Variants in ERBIN observed in about 807,000 individuals in gnomAD.
ERBIN encodes the protein densin-180-like protein.
In ERBIN, 60 loss-of-function variants were observed where a neutral mutation model predicts 158.4. The ratio of observed to expected loss-of-function variants is 0.38; its 90% CI spans 0.31 to 0.47. ERBIN has a LOEUF of 0.47. Among genes scored for constraint, ERBIN ranks in the 20% least tolerant of loss-of-function variants. The probability of loss-of-function intolerance (pLI) is 0.99; values close to 1 mark genes in which losing one functional copy is unlikely to be tolerated. For synonymous variants in ERBIN, 594 were observed against 557.2 expected, an observed-to-expected ratio of 1.07 and a Z score of -0.93; for missense variants, 1,610 against 1,648.0, an observed-to-expected ratio of 0.98 and a Z score of 0.40.
At chr5:66,017,599 G>A (rs1754925165) in intron 7 of ERBIN, among the ~76,000 whole-genome samples, 1 of 147,886 alleles carries the variant, frequency 6.8e-6, no homozygotes, top group Non-Finnish European at 1.5e-5. Flanking sequence ...TGGATACTTT[G>A]CAAATATTTC....
rs143647057 is a variant in ERBIN, at chr5:65,936,130, C to T, written c.-58+9324C>T. Among the ~76,000 whole-genome samples, 9 of 149,676 alleles carry T rather than the reference C, an allele frequency of 6.0e-5. No individual in the cohort carries two copies. In the East Asian group the frequency reaches 1.8e-3, roughly 29 times the overall value. ...TTCACACCTTAGGTCACTCTAGACT[C>T]TTTGTGGGAGCATGGAGGGAGGTCT... On this transcript the variant is annotated intron_variant, in intron 1 of 25. Transcript: ENST00000284037.
chr5:66,024,334 A>G lies in ERBIN; in HGVS notation c.701A>G (p.Tyr234Cys), dbSNP rs773163944. 1 of 1,566,954 alleles carries G rather than the reference A, an allele frequency of 6.4e-7. No individual in the cohort carries two copies. Among genetic ancestry groups the G allele is most frequent in the South Asian group, 1.1e-5 (1 of 87,152 alleles). ...ATTGGTAGTTTGAAACAGCTCACAT[A>G]TTTGGATGTTTCTAAAAATAATATT... Reference protein sequence around the residue: ...GFIGSLKQLTYLDVSKNNIEM... With the variant: ...GFIGSLKQLTCLDVSKNNIEM... The change falls in exon 10 of 26, where the codon TAT (tyrosine) becomes TGT (cysteine). Residue 234 changes from tyrosine to cysteine, a missense_variant. Around this residue, in one of 2 missense-constraint regions of ERBIN, gnomAD observed 596 missense variants for 711.9 expected, o/e 0.84. Coordinates refer to ENST00000284037, the MANE Select transcript of ERBIN (RefSeq NM_001253697.2).
At chr5:65,958,223 C>T (rs1329829152) in intron 1 of ERBIN, among the ~76,000 whole-genome samples, 1 of 152,064 alleles carries the variant, frequency 6.6e-6, no homozygotes, top group African/African-American at 2.4e-5. Flanking sequence ...GGGGTGGCGG[C>T]CGGGCAGAGG....
intron 1 of ERBIN, among the ~76,000 whole-genome samples, chr5:65,972,070 G>A (rs1157332377): frequency 6.6e-6 from 1 of 152,100 alleles, no homozygotes; most frequent in South Asian, 2.1e-4. Flanking sequence ...CCTTTTCTCA[G>A]AGAAAGGAGG....
intron 1 of ERBIN, among the ~76,000 whole-genome samples, chr5:65,952,746 T>A (rs935353424): frequency 6.6e-6 from 1 of 152,220 alleles, no homozygotes; most frequent in African/African-American, 2.4e-5. Context: ...TTGAAACTCA[T>A]AGAACTTGTG....
intron 1 of ERBIN, among the ~76,000 whole-genome samples, chr5:65,937,219 A>G (rs998654856): frequency 3.9e-5 from 6 of 152,182 alleles, no homozygotes; most frequent in Admixed American, 6.5e-5. Context: ...AATGTAATCA[A>G]ATTTGTCAGT....
chr5:66,073,109 TG>T (rs1761676001), intron 22 of ERBIN, among the ~76,000 whole-genome samples: 1 of 152,218 alleles, frequency 6.6e-6, no homozygotes, highest in African/African-American at 2.4e-5. Context: ...TCTAATTTCC[TG>T]AGCCATCTGC....
chr5:66,048,034 C>T (rs1445061628), intron 18 of ERBIN, among the ~76,000 whole-genome samples: 1 of 151,682 alleles, frequency 6.6e-6, no homozygotes, highest in Non-Finnish European at 1.5e-5. Context: ...GGCATTTCAC[C>T]TGTGTTTTGG....
intron 1 of ERBIN, among the ~76,000 whole-genome samples, chr5:65,965,058 C>T (rs944008784): frequency 6.6e-6 from 1 of 150,562 alleles, no homozygotes; most frequent in African/African-American, 2.4e-5. Flanking sequence ...CCCAAAGTAC[C>T]GGGATTACAG....
At position 65,957,066 on chromosome 5, in the gene ERBIN, A is replaced by G. The variant is rs1037409274; in HGVS notation, c.-58+30260A>G. On this transcript the variant is annotated intron_variant, in intron 1 of 25. Transcript: ENST00000284037. ...ATTTAACCAGTCACTACTAAGGTAT[A>G]TTTATTTAGCACCCTCTCCCATTAT... Among the ~76,000 whole-genome samples the G allele has an allele frequency of 5.9e-5, 9 of 152,138 alleles. No individual in the cohort carries two copies. The East Asian group carries it at 1.7e-3, about 29-fold the overall frequency.
intron 4 of ERBIN, among the ~76,000 whole-genome samples, chr5:66,011,485 C>G (rs999780819): frequency 6.6e-6 from 1 of 152,088 alleles, no homozygotes; most frequent in Admixed American, 6.6e-5. Flanking sequence ...GTCAGGAGTT[C>G]GAGACCAGTC....
chr5:65,953,329 T>C (rs770841730), intron 1 of ERBIN, among the ~76,000 whole-genome samples: 2 of 152,230 alleles, frequency 1.3e-5, no homozygotes, highest in Non-Finnish European at 2.9e-5. Flanking sequence ...TTTGGGCAGA[T>C]ATTTTAGGTT....
At position 66,063,695 on chromosome 5, in the gene ERBIN, G is replaced by A. The variant is rs153024; in HGVS notation, c.3634-8474G>A. 7.8e-3 allele frequency among the ~76,000 whole-genome samples: 1,190 copies of A among 152,062 alleles called. 7 individuals carry two copies. Among genetic ancestry groups the A allele is most frequent in the Non-Finnish European group, 0.01 (710 of 67,946 alleles). On this transcript the variant is annotated intron_variant, in intron 21 of 25. Coordinates refer to ENST00000284037, the MANE Select transcript of ERBIN (RefSeq NM_001253697.2). ...CCATCTTGGCTCCTCCCAATTTCTC[G>A]ATTAAGACATTTTTAAAAAGTGAAG...
At chr5:66,076,642 T>A in intron 24 of ERBIN, 1 of 597,860 alleles carries the variant, frequency 1.7e-6, no homozygotes, top group Non-Finnish European at 2.9e-6. Flanking sequence ...AACTTTCTTA[T>A]TGCTTTTTCA....
At chr5:66,044,043 C>A in intron 16 of ERBIN, 94 bp from the exon 17 acceptor site, 1 of 852,506 alleles carries the variant, frequency 1.2e-6, no homozygotes, top group Non-Finnish European at 1.7e-6. Flanking sequence ...AGCTTGATAT[C>A]TAATGTAATT....
At chr5:66,058,791 G>A (rs1240401936) in intron 21 of ERBIN, among the ~76,000 whole-genome samples, 1 of 151,322 alleles carries the variant, frequency 6.6e-6, no homozygotes, top group African/African-American at 2.5e-5. Flanking sequence ...ATTAAATAGG[G>A]AATCCTTTCC....
chr5:66,013,414 C>G (rs984615195), intron 5 of ERBIN, 135 bp from the exon 6 acceptor site: 11 of 673,576 alleles, frequency 1.6e-5, no homozygotes, highest in Admixed American at 2.7e-5. Flanking sequence ...TGAAGGGGCT[C>G]TCATAAAAGT....
chr5:65,970,282 A>C (rs546521446), intron 1 of ERBIN, among the ~76,000 whole-genome samples: 23 of 152,316 alleles, frequency 1.5e-4, no homozygotes, highest in African/African-American at 4.8e-4. Flanking sequence ...ATCTGTCTAA[A>C]ACTTAAATTA....
intron 1 of ERBIN, among the ~76,000 whole-genome samples, 180 bp downstream of exon 1, chr5:65,926,986 T>A (rs1232509848): frequency 6.6e-6 from 1 of 151,844 alleles, no homozygotes; most frequent in Non-Finnish European, 1.5e-5. Context: ...ACCGCGTCCC[T>A]TCTCCCCCCT....
Sources: allele counts gnomAD v4.1 joint callset (sites outside exome capture counted in the v4.1 genomes callset), GRCh38; gene constraint gnomAD v4.1.1; regional missense constraint gnomAD v4.1.1; transcripts MANE v1.5; gene names NCBI Gene and HGNC (gene_info 2026-07-23, HGNC 2026-07-21).